Variants in CERT1 observed in about 807,000 individuals in gnomAD.
The protein encoded by CERT1 is ceramide transfer protein.
In CERT1, 31 loss-of-function variants were observed where a neutral mutation model predicts 87.9. That is an observed-to-expected ratio of 0.35 (90% CI 0.27 to 0.48). CERT1 has a LOEUF of 0.48. Ranked by LOEUF, CERT1 falls within the 20% of genes least tolerant of loss-of-function variation. CERT1 has a pLI of 0.99. For missense variants in CERT1, 487 were observed against 758.0 expected, an observed-to-expected ratio of 0.64 and a Z score of 4.20; for synonymous variants, 289 against 250.9, an observed-to-expected ratio of 1.15 and a Z score of -1.44.
At chr5:75,425,719 C>T (rs926107537) in intron 4 of CERT1, among the ~76,000 whole-genome samples, 11 of 152,126 alleles carry the variant, frequency 7.2e-5, no homozygotes, top group Non-Finnish European at 1.3e-4. Flanking sequence ...ATGATAACCT[C>T]GTGATATCAC....
intron 5 of CERT1, among the ~76,000 whole-genome samples, chr5:75,424,719 G>C (rs1279954241): frequency 6.6e-6 from 1 of 152,130 alleles, no homozygotes; most frequent in Non-Finnish European, 1.5e-5. Context: ...TCTCCTCTAA[G>C]ACTCATCATG....
At chr5:75,458,993 C>CT (rs1402887095) in intron 3 of CERT1, 72 bp downstream of exon 3, 3,064 of 766,356 alleles carry the variant, frequency 4.0e-3, no homozygotes, top group South Asian at 6.7e-3. Flanking sequence ...CACATGTCAA[C>CT]TTTTTTTTTA....
chr5:75,419,868 G>A (rs1415874073), intron 5 of CERT1, among the ~76,000 whole-genome samples: 2 of 152,092 alleles, frequency 1.3e-5, no homozygotes, highest in African/African-American at 2.4e-5. Context: ...CCTATCTCTT[G>A]CTCCCTTCCG....
intron 11 of CERT1, among the ~76,000 whole-genome samples, chr5:75,397,248 T>C (rs1462334586): frequency 6.6e-6 from 1 of 152,194 alleles, no homozygotes; most frequent in Non-Finnish European, 1.5e-5. Flanking sequence ...TTACCTCTTC[T>C]GGCATATAAA....
intron 3 of CERT1, among the ~76,000 whole-genome samples, chr5:75,441,188 T>C (rs1173206293): frequency 2.0e-5 from 3 of 152,310 alleles, no homozygotes; most frequent in Admixed American, 1.3e-4. Flanking sequence ...TTTCTATGTT[T>C]TGACATACAA....
At chr5:75,398,617 GAACT>G (rs1208917974) in intron 11 of CERT1, among the ~76,000 whole-genome samples, 2 of 152,006 alleles carry the variant, frequency 1.3e-5, no homozygotes, top group Non-Finnish European at 2.9e-5. Flanking sequence ...ATTAAAAAAA[GAACT>G]AACGCTGACA....
chr5:75,455,576 C>A (rs1265553600), intron 3 of CERT1, among the ~76,000 whole-genome samples: 1 of 152,136 alleles, frequency 6.6e-6, no homozygotes, highest in Non-Finnish European at 1.5e-5. Flanking sequence ...TCCACATTTG[C>A]CAGACTCTGG....
At chr5:75,376,816 T>C (rs1053367181), downstream of CERT1, 3 of 152,216 alleles carry the variant, frequency 2.0e-5, no homozygotes, top group Non-Finnish European at 4.4e-5. Context: ...CTTATGTTAG[T>C]ATGGGATATT....
downstream of CERT1, chr5:75,377,200 T>G (rs1761354767): frequency 6.6e-6 from 1 of 152,112 alleles, no homozygotes; most frequent in Admixed American, 6.5e-5. Context: ...ACTGAGAGAG[T>G]ATTTTTCACC....
intron 17 of CERT1, chr5:75,370,973 A>T (rs1761062811): frequency 6.6e-6 from 1 of 152,520 alleles, no homozygotes; most frequent in South Asian, 2.1e-4. Flanking sequence ...AAAAAAAAAA[A>T]AATTTAGGCT....
At chr5:75,464,164 G>A (rs939488573) in intron 2 of CERT1, among the ~76,000 whole-genome samples, 10 of 152,224 alleles carry the variant, frequency 6.6e-5, no homozygotes, top group Admixed American at 6.5e-4. Flanking sequence ...AAATCTACCA[G>A]GGAAAAGAAG....
At chr5:75,417,394 T>A (rs967931174) in intron 6 of CERT1, among the ~76,000 whole-genome samples, 1 of 152,102 alleles carries the variant, frequency 6.6e-6, no homozygotes, top group Middle Eastern at 3.4e-3. Context: ...AAGCCTAGAA[T>A]TAAAAAAAAT....
At chr5:75,420,205 C>T (rs1763311976) in intron 5 of CERT1, among the ~76,000 whole-genome samples, 1 of 151,848 alleles carries the variant, frequency 6.6e-6, no homozygotes. Context: ...TTTCGAAACT[C>T]CTGGCCTCAT....
chr5:75,473,800 GTATA>G (rs922461925), intron 2 of CERT1, among the ~76,000 whole-genome samples: 1 of 152,088 alleles, frequency 6.6e-6, no homozygotes, highest in Non-Finnish European at 1.5e-5. Flanking sequence ...ATTTCACAAT[GTATA>G]TATACTTCAA....
At chr5:75,379,926 A>G (rs2111985086) in intron 16 of CERT1, among the ~76,000 whole-genome samples, 2 of 152,160 alleles carry the variant, frequency 1.3e-5, no homozygotes, top group Admixed American at 1.3e-4. Context: ...ATTCCTTAAC[A>G]CTATCCATCA....
chr5:75,383,454 T>C (rs1406200701), intron 14 of CERT1, among the ~76,000 whole-genome samples: 2 of 152,134 alleles, frequency 1.3e-5, no homozygotes, highest in Non-Finnish European at 2.9e-5. Flanking sequence ...TTCTAAATTA[T>C]TGGTCATTTA....
intron 11 of CERT1, among the ~76,000 whole-genome samples, chr5:75,392,178 T>C (rs938851827): frequency 7.2e-5 from 11 of 152,214 alleles, no homozygotes; most frequent in African/African-American, 2.4e-4. Context: ...AATATATAGA[T>C]AGCACATTTA....
chr5:75,463,815 G>T (rs1765339763), intron 2 of CERT1, among the ~76,000 whole-genome samples: 1 of 152,168 alleles, frequency 6.6e-6, no homozygotes, highest in African/African-American at 2.4e-5. Context: ...GAGGAGGGAA[G>T]AAATATAACC....
downstream of CERT1, chr5:75,374,428 C>T (rs540415013): frequency 1.4e-5 from 8 of 552,644 alleles, no homozygotes; most frequent in South Asian, 9.5e-5. Flanking sequence ...GAAAAAAAAA[C>T]GGGAACAGTC....
Sources: allele counts gnomAD v4.1 joint callset (sites outside exome capture counted in the v4.1 genomes callset), GRCh38; gene constraint gnomAD v4.1.1; transcripts MANE v1.5; gene names NCBI Gene and HGNC (gene_info 2026-07-23, HGNC 2026-07-21).